The following PLCB4 variants were observed in gnomAD, a reference collection of about 807,000 sequenced individuals.
PLCB4 encodes the protein 1-phosphatidylinositol 4,5-bisphosphate phosphodiesterase beta-4.
PLCB4 carries 77 observed loss-of-function variants against 178.8 expected under a neutral mutation model. That is an observed-to-expected ratio of 0.43 (90% CI 0.36 to 0.52). The LOEUF (loss-of-function observed/expected upper bound fraction) is 0.52. Ranked by LOEUF, PLCB4 falls within the 20% of genes least tolerant of loss-of-function variation. PLCB4 has a pLI of 0.00. For synonymous variants in PLCB4, 496 were observed against 490.8 expected, an observed-to-expected ratio of 1.01 and a Z score of -0.14; for missense variants, 1,024 against 1,453.4, an observed-to-expected ratio of 0.70 and a Z score of 4.80.
chr20:9,202,110 G>A (rs1198670317), intron 2 of PLCB4, among the ~76,000 whole-genome samples: 3 of 152,150 alleles, frequency 2.0e-5, no homozygotes, highest in Non-Finnish European at 2.9e-5. Context: ...AATACATTAC[G>A]CTTCCTGAAA....
intron 36 of PLCB4, among the ~76,000 whole-genome samples, chr20:9,470,339 A>G (rs921495469): frequency 2.6e-5 from 4 of 151,942 alleles, no homozygotes; most frequent in Non-Finnish European, 4.4e-5. Context: ...TCAAAAAAAA[A>G]AAGAAAAGAA....
chr20:9,134,741 A>G (rs1335172084), intron 2 of PLCB4, among the ~76,000 whole-genome samples: 2 of 152,134 alleles, frequency 1.3e-5, no homozygotes, highest in East Asian at 3.9e-4. Context: ...TTGATAACCA[A>G]TGTTATACTT....
At chr20:9,259,563 C>T (rs138458840) in intron 3 of PLCB4, among the ~76,000 whole-genome samples, 7 of 151,890 alleles carry the variant, frequency 4.6e-5, no homozygotes, top group Non-Finnish European at 8.8e-5. Flanking sequence ...AATTAAAAAA[C>T]GAAATATTGA....
chr20:9,197,449 G>C (rs373212459), intron 2 of PLCB4, among the ~76,000 whole-genome samples: 2 of 152,182 alleles, frequency 1.3e-5, no homozygotes, highest in African/African-American at 4.8e-5. Context: ...ATTAATTTTT[G>C]TGTAATATAT....
At chr20:9,417,876 CTCAT>C (rs1568785068) in intron 25 of PLCB4, among the ~76,000 whole-genome samples, 1 of 152,120 alleles carries the variant, frequency 6.6e-6, no homozygotes. Context: ...TGTTATCTGA[CTCAT>C]TAATTACAGT....
At chr20:9,373,235 G>T in intron 12 of PLCB4, 131 bp downstream of exon 12, 1 of 530,562 alleles carries the variant, frequency 1.9e-6, no homozygotes, top group Non-Finnish European at 3.4e-6. Flanking sequence ...TTCCATTATG[G>T]CTTTACCAGG....
In PLCB4 at chr20:9,327,929, TA is replaced by T. The variant is rs1225933223; in HGVS notation, c.85-9196del. Among the ~76,000 whole-genome samples, 3 of 152,236 alleles carry T rather than the reference TA, an allele frequency of 2.0e-5. No individual in the cohort carries two copies. The East Asian group carries it at 5.8e-4, about 29-fold the overall frequency. The stretch of plus-strand genomic sequence containing the variant: ...CTGTTTTTAGAGATGAAGAAATGAA[TA>T]TCTAACCACATTTGGATCAGGTTCA... On this transcript the variant is annotated intron_variant, in intron 4 of 39. Transcript: ENST00000378473.
chr20:9,277,588 C>T (rs910585716), intron 3 of PLCB4, among the ~76,000 whole-genome samples: 3 of 152,012 alleles, frequency 2.0e-5, no homozygotes, highest in Non-Finnish European at 2.9e-5. Flanking sequence ...AGTTACAAAA[C>T]GGTAACTGCT....
chr20:9,274,484 C>A (rs921326621), intron 3 of PLCB4, among the ~76,000 whole-genome samples: 1 of 151,996 alleles, frequency 6.6e-6, no homozygotes, highest in East Asian at 1.9e-4. Flanking sequence ...GACTTTTACC[C>A]CCCAAATTAT....
intron 2 of PLCB4, among the ~76,000 whole-genome samples, chr20:9,190,189 G>A (rs1418928733): frequency 6.6e-6 from 1 of 152,154 alleles, no homozygotes; most frequent in Non-Finnish European, 1.5e-5. Flanking sequence ...TGGGAGGTGA[G>A]GATACCTAGA....
At chr20:9,223,711 C>T (rs1332456342) in intron 3 of PLCB4, among the ~76,000 whole-genome samples, 1 of 152,242 alleles carries the variant, frequency 6.6e-6, no homozygotes, top group African/African-American at 2.4e-5. Context: ...TGCTTTATGA[C>T]TTGGCCTTGG....
intron 2 of PLCB4, among the ~76,000 whole-genome samples, chr20:9,106,299 G>T (rs562409420): frequency 1.3e-5 from 2 of 151,328 alleles, no homozygotes; most frequent in African/African-American, 4.8e-5. Context: ...GGCAAAAACC[G>T]CAATTACTTT....
At chr20:9,316,728 G>A (rs1329811920) in intron 4 of PLCB4, among the ~76,000 whole-genome samples, 3 of 152,166 alleles carry the variant, frequency 2.0e-5, no homozygotes, top group African/African-American at 7.2e-5. Flanking sequence ...AGGCATCTGA[G>A]CACCACCTCA....
In PLCB4 at chr20:9,454,073, T is replaced by G. The variant is rs148073609; in HGVS notation, c.2996+611T>G. Among the ~76,000 whole-genome samples, 7 of 152,324 alleles carry G rather than the reference T, an allele frequency of 4.6e-5. No homozygotes were observed. In the East Asian group the frequency reaches 1.3e-3, roughly 29 times the overall value. ...CTCAGTATGTGATAATTCCTCAATC[T>G]CTCCCTGTCTTTTGTGACTTTCACT... is the stretch of plus-strand genomic sequence containing the variant. On this transcript the variant is annotated intron_variant, in intron 33 of 39. Coordinates refer to ENST00000378473, the MANE Select transcript of PLCB4 (RefSeq NM_001377142.1).
intron 3 of PLCB4, among the ~76,000 whole-genome samples, chr20:9,280,722 G>T (rs2094487694): frequency 1.3e-5 from 2 of 151,858 alleles, no homozygotes; most frequent in African/African-American, 4.8e-5. Flanking sequence ...ACTCGGTGAG[G>T]AAATACTGAA....
At chr20:9,436,396 G>A (rs1343700575) in intron 29 of PLCB4, among the ~76,000 whole-genome samples, 5 of 152,102 alleles carry the variant, frequency 3.3e-5, no homozygotes, top group African/African-American at 1.2e-4. Flanking sequence ...CTGTTTCCCA[G>A]GCTGGAGTGC....
chr20:9,446,404 T>C (rs1251648010), intron 32 of PLCB4, among the ~76,000 whole-genome samples: 1 of 152,218 alleles, frequency 6.6e-6, no homozygotes, highest in African/African-American at 2.4e-5. Context: ...AGTGTTGATA[T>C]ACTGCTGATT....
chr20:9,207,848 A>AT (rs1478032696), intron 2 of PLCB4, among the ~76,000 whole-genome samples: 1 of 152,102 alleles, frequency 6.6e-6, no homozygotes, highest in Non-Finnish European at 1.5e-5. Flanking sequence ...AATCAATTAT[A>AT]TTTTTTTCTC....
chr20:9,089,627 T>C (rs2146561467), intron 1 of PLCB4, among the ~76,000 whole-genome samples: 1 of 152,282 alleles, frequency 6.6e-6, no homozygotes, highest in South Asian at 2.1e-4. Context: ...ACTTTGTATG[T>C]AGGAAGTGGT....
Sources: allele counts gnomAD v4.1 joint callset (sites outside exome capture counted in the v4.1 genomes callset), GRCh38; gene constraint gnomAD v4.1.1; transcripts MANE v1.5; gene names NCBI Gene and HGNC (gene_info 2026-07-23, HGNC 2026-07-21).